Variants in PLCB1 observed in about 807,000 individuals in gnomAD.
The protein encoded by PLCB1 is 1-phosphatidylinositol 4,5-bisphosphate phosphodiesterase beta-1.
PLCB1 carries 46 observed loss-of-function variants against 161.8 expected under a neutral mutation model. The observed-to-expected ratio is 0.28, with a 90% CI of 0.22 to 0.36. PLCB1 has a LOEUF of 0.36. Ranked by LOEUF, PLCB1 falls within the 10% of genes least tolerant of loss-of-function variation. PLCB1 has a pLI of 1.00. For missense variants in PLCB1, 1,016 were observed against 1,472.5 expected, an observed-to-expected ratio of 0.69 and a Z score of 5.07; for synonymous variants, 517 against 503.7, an observed-to-expected ratio of 1.03 and a Z score of -0.35.
rs980085934 is a variant in PLCB1, at chr20:8,735,666, C to T, written c.2044-1362C>T. 2.0e-5 allele frequency among the ~76,000 whole-genome samples: 3 copies of T among 152,198 alleles called. 1 individual carries two copies. Among genetic ancestry groups the T allele is most frequent in the Non-Finnish European group, 2.9e-5 (2 of 68,028 alleles). ...GCTTTGGTCAAACATCTTAAACATA[C>T]AACATCTTCTGTGCATCTGAATTCC... On this transcript the variant is annotated intron_variant, in intron 19 of 31. Coordinates refer to ENST00000338037, the MANE Select transcript of PLCB1 (RefSeq NM_015192.4).
At chr20:8,622,033 G>A (rs867556654) in intron 3 of PLCB1, among the ~76,000 whole-genome samples, 3 of 152,154 alleles carry the variant, frequency 2.0e-5, no homozygotes, top group African/African-American at 7.2e-5. Flanking sequence ...CGAGGCAGGC[G>A]GATCACGAGG....
intron 31 of PLCB1, among the ~76,000 whole-genome samples, chr20:8,862,106 C>T (rs1016848081): frequency 2.0e-5 from 3 of 152,174 alleles, no homozygotes; most frequent in Non-Finnish European, 2.9e-5. Context: ...ATTTCTGCTA[C>T]TGAATACAGC....
intron 5 of PLCB1, among the ~76,000 whole-genome samples, chr20:8,646,825 A>G (rs989100813): frequency 2.6e-5 from 4 of 152,254 alleles, no homozygotes; most frequent in Non-Finnish European, 5.9e-5. Flanking sequence ...GATGAGCAGC[A>G]AGGAAAGCTG....
intron 2 of PLCB1, among the ~76,000 whole-genome samples, chr20:8,301,205 A>T (rs1983895093): frequency 6.6e-6 from 1 of 152,174 alleles, no homozygotes; most frequent in Non-Finnish European, 1.5e-5. Context: ...GTACTCTGGT[A>T]ATGCCATGTT....
At chr20:8,840,022 C>T (rs892109384) in intron 31 of PLCB1, among the ~76,000 whole-genome samples, 3 of 142,236 alleles carry the variant, frequency 2.1e-5, no homozygotes, top group African/African-American at 7.5e-5. Context: ...CAGAGAGAAA[C>T]TCTGTCTCAG....
At chr20:8,842,385 G>A (rs1986536672) in intron 31 of PLCB1, among the ~76,000 whole-genome samples, 1 of 152,118 alleles carries the variant, frequency 6.6e-6, no homozygotes, top group Non-Finnish European at 1.5e-5. Context: ...TTATTCAGAA[G>A]TGTGGTTTTA....
At chr20:8,542,966 A>G (rs1985391246) in intron 3 of PLCB1, among the ~76,000 whole-genome samples, 1 of 152,234 alleles carries the variant, frequency 6.6e-6, no homozygotes, top group African/African-American at 2.4e-5. Flanking sequence ...ATTATGTGGC[A>G]GGCCATATCA....
intron 3 of PLCB1, among the ~76,000 whole-genome samples, chr20:8,475,013 ACAC>A (rs1982212154): frequency 3.1e-4 from 24 of 77,982 alleles, no homozygotes; most frequent in African/African-American, 1.2e-3. Context: ...ACACACAGAC[ACAC>A]ACACACACAC....
chr20:8,474,547 G>C (rs1982189303), intron 3 of PLCB1, among the ~76,000 whole-genome samples: 1 of 152,108 alleles, frequency 6.6e-6, no homozygotes, highest in Non-Finnish European at 1.5e-5. Flanking sequence ...GTGGAGGAGA[G>C]GCAGAAGGAG....
At chr20:8,480,200 G>A (rs1346572013) in intron 3 of PLCB1, among the ~76,000 whole-genome samples, 3 of 152,130 alleles carry the variant, frequency 2.0e-5, no homozygotes, top group Non-Finnish European at 4.4e-5. Flanking sequence ...GCATGACTTG[G>A]TGCCTGAGTG....
chr20:8,496,650 GC>G (rs1285035210), intron 3 of PLCB1, among the ~76,000 whole-genome samples: 2 of 152,156 alleles, frequency 1.3e-5, no homozygotes, highest in African/African-American at 4.8e-5. Flanking sequence ...TTCCCAGGGT[GC>G]TTTTTTGGCA....
chr20:8,881,518 G>A lies in PLCB1; in HGVS notation c.3424-104G>A, dbSNP rs920813775. 9 of 785,290 alleles carry A rather than the reference G, an allele frequency of 1.1e-5. No homozygotes were observed. In the Admixed American group the frequency reaches 1.3e-4, roughly 11 times the overall value. 48.6% of individuals were successfully genotyped at this position (785,290 alleles called of 1,614,324 possible). A position where few individuals can be genotyped will look rare whatever the true frequency, so the allele number is the denominator to read the frequency against. On this transcript the variant is annotated intron_variant, in intron 31 of 31. Transcript: ENST00000338037. ...CCAGTGAATGATATTTTAAGTTAAT[G>A]TATTCATCAGCCCCTTTTGTATATC... is the stretch of plus-strand genomic sequence containing the variant.
intron 3 of PLCB1, among the ~76,000 whole-genome samples, chr20:8,460,225 T>A (rs1477829303): frequency 6.6e-6 from 1 of 152,218 alleles, no homozygotes; most frequent in East Asian, 1.9e-4. Flanking sequence ...TGCAGTTTCA[T>A]ATTGACATCA....
At chr20:8,763,549 C>T (rs1982154616) in intron 25 of PLCB1, among the ~76,000 whole-genome samples, 1 of 152,142 alleles carries the variant, frequency 6.6e-6, no homozygotes, top group South Asian at 2.1e-4. Context: ...CCATGCCCAG[C>T]TAATTTTTGT....
intron 4 of PLCB1, among the ~76,000 whole-genome samples, chr20:8,631,728 C>T (rs1305355786): frequency 1.3e-5 from 2 of 152,148 alleles, no homozygotes; most frequent in Non-Finnish European, 2.9e-5. Flanking sequence ...TTATAATAGG[C>T]CACTTTTTTG....
chr20:8,309,634 A>C (rs905400222), intron 2 of PLCB1, among the ~76,000 whole-genome samples: 1 of 152,218 alleles, frequency 6.6e-6, no homozygotes, highest in Non-Finnish European at 1.5e-5. Flanking sequence ...TCAGAATCAA[A>C]GGGAGCAGCT....
chr20:8,558,383 T>C (rs1157693298), intron 3 of PLCB1, among the ~76,000 whole-genome samples: 2 of 150,436 alleles, frequency 1.3e-5, no homozygotes, highest in African/African-American at 4.9e-5. Context: ...AATGAAACCA[T>C]GGACAAAGAA....
chr20:8,698,149 A>G (rs1237435484), intron 11 of PLCB1, among the ~76,000 whole-genome samples: 1 of 152,182 alleles, frequency 6.6e-6, no homozygotes, highest in African/African-American at 2.4e-5. Flanking sequence ...CATCCATGTA[A>G]CTACCATCTA....
intron 23 of PLCB1, among the ~76,000 whole-genome samples, chr20:8,754,993 C>A (rs1981669279): frequency 6.6e-6 from 1 of 152,124 alleles, no homozygotes; most frequent in South Asian, 2.1e-4. Flanking sequence ...CTGGCACTTA[C>A]CCATCAGAAG....
Sources: gnomAD v4.1 joint callset for allele counts (sites outside exome capture counted in the v4.1 genomes callset) on GRCh38, gnomAD v4.1.1 for gene constraint, MANE v1.5 for transcripts, NCBI Gene and HGNC (gene_info 2026-07-23, HGNC 2026-07-21) for gene names.